Variants in CEP83 observed in about 807,000 individuals in gnomAD.
CEP83 encodes centrosomal protein of 83 kDa.
A neutral mutation model predicts 101.9 loss-of-function variants in CEP83; 70 were observed. That is an observed-to-expected ratio of 0.69 (90% CI 0.57 to 0.84). The LOEUF is 0.84. Ranked by LOEUF, CEP83 falls within the 40% of genes least tolerant of loss-of-function variation. The pLI, the probability that CEP83 is intolerant of heterozygous loss-of-function variation, is 0.00. For missense variants in CEP83, 715 were observed against 787.2 expected (o/e 0.91, Z 1.10); for synonymous variants, 264 against 267.9 (o/e 0.99, Z 0.14).
At chr12:94,436,527 A>T (rs1425171229) in intron 1 of CEP83, among the ~76,000 whole-genome samples, 1 of 152,126 alleles carries the variant, frequency 6.6e-6, no homozygotes, top group Non-Finnish European at 1.5e-5. Context: ...ACCCAATCTG[A>T]CAAAGACAAA....
the CEP83 span, among the ~76,000 whole-genome samples, chr12:94,295,324 T>G: frequency 6.6e-6 from 1 of 152,194 alleles, no homozygotes; most frequent in Non-Finnish European, 1.5e-5. Context: ...TAGGACTCCT[T>G]TGGGGAAACC....
chr12:94,388,539 C>T (rs1279546117), intron 6 of CEP83, among the ~76,000 whole-genome samples: 1 of 151,316 alleles, frequency 6.6e-6, no homozygotes, highest in Non-Finnish European at 1.5e-5. Flanking sequence ...GCCTCAGCAT[C>T]ATGCAATACA....
intron 6 of CEP83, among the ~76,000 whole-genome samples, chr12:94,381,131 C>T (rs1386811940): frequency 6.6e-6 from 1 of 152,188 alleles, no homozygotes; most frequent in East Asian, 1.9e-4. Context: ...AAAACCTCTG[C>T]TGATGCAGAG....
At chr12:94,428,887 C>G (rs974342734) in intron 2 of CEP83, among the ~76,000 whole-genome samples, 1 of 152,096 alleles carries the variant, frequency 6.6e-6, no homozygotes, top group Non-Finnish European at 1.5e-5. Flanking sequence ...TGGATATTTT[C>G]TAAGTACCTT....
At chr12:94,383,830 G>A (rs1184425681) in intron 6 of CEP83, among the ~76,000 whole-genome samples, 5 of 151,906 alleles carry the variant, frequency 3.3e-5, no homozygotes, top group Admixed American at 3.3e-4. Context: ...ATGGTCTACT[G>A]AATTCATTTT....
intron 1 of CEP83, among the ~76,000 whole-genome samples, chr12:94,454,395 C>A (rs1594176764): frequency 6.6e-6 from 1 of 152,186 alleles, no homozygotes; most frequent in African/African-American, 2.4e-5. Context: ...ACTTGGAGAA[C>A]TTTTCTGTCT....
chr12:94,436,652 G>GAAATCCCATCTCCACTATTAGCC (rs1358464398), intron 1 of CEP83, among the ~76,000 whole-genome samples: 3 of 151,950 alleles, frequency 2.0e-5, no homozygotes, highest in African/African-American at 7.3e-5. Context: ...CTAACATGGT[G>GAAATCCCATCTCCACTATTAGCC]AAATCCCATC....
chr12:94,424,407 A>C (rs995028684), intron 2 of CEP83: 4 of 1,613,888 alleles, frequency 2.5e-6, no homozygotes, highest in Admixed American at 3.3e-5. Flanking sequence ...ATGGCTTCAC[A>C]CTTCTCTGTG....
chr12:94,365,267 T>A (rs1302143877), intron 11 of CEP83, among the ~76,000 whole-genome samples: 2 of 152,178 alleles, frequency 1.3e-5, no homozygotes, highest in Non-Finnish European at 2.9e-5. Context: ...CATTGTTCAA[T>A]CTCATTTGTA....
At chr12:94,313,093 C>T (rs1970119906) in intron 14 of CEP83, 76 bp from the exon 15 acceptor site, 1 of 647,352 alleles carries the variant, frequency 1.5e-6, no homozygotes, top group Non-Finnish European at 2.5e-6. Flanking sequence ...AAATATTTTA[C>T]TCACCAAAAA....
chr12:94,285,655 C>T, the CEP83 span, among the ~76,000 whole-genome samples: 8 of 152,286 alleles, frequency 5.3e-5, no homozygotes, highest in East Asian at 1.9e-4. Flanking sequence ...TGGAAAAACA[C>T]GGCCCCAGAG....
intron 6 of CEP83, among the ~76,000 whole-genome samples, chr12:94,398,362 G>A (rs893070834): frequency 6.6e-6 from 1 of 152,158 alleles, no homozygotes; most frequent in Non-Finnish European, 1.5e-5. Flanking sequence ...TGGGAAGTCA[G>A]GGACCCCAAA....
intron 1 of CEP83, among the ~76,000 whole-genome samples, chr12:94,454,896 C>T (rs1395256372): frequency 2.0e-5 from 3 of 151,752 alleles, no homozygotes; most frequent in East Asian, 1.9e-4. Context: ...TGAACAACTC[C>T]GGACGCGCCA....
chr12:94,408,198 G>A (rs2063664721), intron 4 of CEP83: 1 of 152,142 alleles, frequency 6.6e-6, no homozygotes, highest in Non-Finnish European at 1.5e-5. Flanking sequence ...CAGTCTAGGT[G>A]TCATTACCTA....
rs150216409 is a variant in CEP83 at position 94,405,668 on chromosome 12, G to A, written c.325-2406C>T. ...AAATTAAACAGTTTGCAAGACACTAGACATAAGAAAGCAAAAGGCAGATCC... is the reference window on the plus strand; with the variant it reads ...AAATTAAACAGTTTGCAAGACACTAAACATAAGAAAGCAAAAGGCAGATCC... On this transcript the variant is annotated intron_variant, in intron 4 of 16. Transcript: ENST00000397809. Among the ~76,000 whole-genome samples, 623 of 152,272 alleles carry A rather than the reference G, an allele frequency of 4.1e-3. 2 individuals carry two copies. The highest frequency in any genetic ancestry group is 0.014 in the African/African-American group (576 of 41,552).
intron 2 of CEP83, among the ~76,000 whole-genome samples, chr12:94,422,349 C>A (rs762342232): frequency 6.6e-6 from 1 of 152,188 alleles, no homozygotes; most frequent in Non-Finnish European, 1.5e-5. Context: ...AGTAAATTAG[C>A]CTTGCTGGGA....
chr12:94,380,697 T>C (rs1471966320), intron 6 of CEP83, among the ~76,000 whole-genome samples: 2 of 152,182 alleles, frequency 1.3e-5, no homozygotes, highest in African/African-American at 4.8e-5. Flanking sequence ...GTTCAGACAA[T>C]GGTGCCCTTT....
chr12:94,325,610 AAG>A (rs1424343934), intron 14 of CEP83, among the ~76,000 whole-genome samples: 1 of 152,260 alleles, frequency 6.6e-6, no homozygotes, highest in African/African-American at 2.4e-5. Flanking sequence ...GTGAATGAGT[AAG>A]TACCTGATAC....
intron 6 of CEP83, among the ~76,000 whole-genome samples, chr12:94,400,080 AAAT>A (rs1397636673): frequency 1.3e-5 from 2 of 152,246 alleles, no homozygotes; most frequent in African/African-American, 4.8e-5. Flanking sequence ...TCTTAATTCT[AAAT>A]AAAGACAATG....
Sources: gnomAD v4.1 joint callset for allele counts (sites outside exome capture counted in the v4.1 genomes callset) on GRCh38, gnomAD v4.1.1 for gene constraint, MANE v1.5 for transcripts, NCBI Gene and HGNC (gene_info 2026-07-23, HGNC 2026-07-21) for gene names.